TMEM116: variants seen among roughly 807,000 people sequenced by gnomAD.
The protein encoded by TMEM116 is transmembrane protein 116.
Under a neutral mutation model 44.3 loss-of-function variants are expected in TMEM116, and 38 were observed. The ratio of observed to expected loss-of-function variants is 0.86; its 90% CI spans 0.66 to 1.12. The LOEUF (loss-of-function observed/expected upper bound fraction) is 1.12, where lower values mean the gene tolerates loss of function less well. Ranked by LOEUF, TMEM116 falls within the 50% of genes most tolerant of loss-of-function variation. The pLI is 0.00. For synonymous variants in TMEM116, 132 were observed against 144.8 expected (o/e 0.91, Z 0.64); for missense variants, 354 against 401.7 (o/e 0.88, Z 1.01).
intron 4 of TMEM116, among the ~76,000 whole-genome samples, chr12:111,982,164 C>T (rs1009453295): frequency 5.9e-5 from 9 of 151,870 alleles, no homozygotes; most frequent in African/African-American, 1.9e-4. Flanking sequence ...TGAAAATTGC[C>T]AACAGAGTAG....
intron 9 of TMEM116, 140 bp downstream of exon 9, chr12:111,933,745 CT>C: frequency 1.0e-6 from 1 of 969,278 alleles, no homozygotes; most frequent in Non-Finnish European, 1.5e-6. Flanking sequence ...ATCCACCTGC[CT>C]CAGCCTCCCA....
Position 111,943,172 on chromosome 12 carries a change from C to T in TMEM116, c.315+93G>A, listed in dbSNP as rs573477577. On this transcript the variant is annotated intron_variant, in intron 5 of 10. Transcript: ENST00000552374. Reference sequence around the variant, plus strand: ...TTCCTGGGCATAAGCAATCTGCCCCCCTCAGCCTCCCTAACTGCTGGGATT... The same window carrying T: ...TTCCTGGGCATAAGCAATCTGCCCCTCTCAGCCTCCCTAACTGCTGGGATT... The T allele has an allele frequency of 9.1e-6, 9 of 994,130 alleles. No individual in the cohort carries two copies. The Admixed American group carries it at 1.4e-4, about 16-fold the overall frequency. 61.6% of individuals were successfully genotyped at this position (994,130 alleles called of 1,614,324 possible).
chr12:111,972,090 A>AC (rs1444900908), intron 4 of TMEM116, among the ~76,000 whole-genome samples: 2 of 150,742 alleles, frequency 1.3e-5, no homozygotes, highest in East Asian at 3.8e-4. Flanking sequence ...AAAAAAAAAA[A>AC]AAAAAACCCA....
intron 4 of TMEM116, among the ~76,000 whole-genome samples, chr12:111,981,608 G>A (rs543552137): frequency 6.6e-6 from 1 of 152,226 alleles, no homozygotes; most frequent in South Asian, 2.1e-4. Flanking sequence ...AAAGTACTTA[G>A]AGGCAAATAC....
intron 4 of TMEM116, among the ~76,000 whole-genome samples, chr12:111,953,453 A>G (rs1276857155): frequency 6.6e-6 from 1 of 152,212 alleles, no homozygotes; most frequent in Non-Finnish European, 1.5e-5. Flanking sequence ...CACTCGGGTC[A>G]AATCCCTGAC....
At chr12:111,990,115 C>T (rs529445904) in intron 4 of TMEM116, among the ~76,000 whole-genome samples, 7 of 151,858 alleles carry the variant, frequency 4.6e-5, no homozygotes, top group Non-Finnish European at 1.0e-4. Flanking sequence ...ATTAGCCAGG[C>T]GTGGTGGCAG....
chr12:111,946,181 C>T (rs555495808), intron 4 of TMEM116, among the ~76,000 whole-genome samples: 45 of 152,162 alleles, frequency 3.0e-4, no homozygotes, highest in Non-Finnish European at 5.0e-4. Context: ...CATGCTTTTA[C>T]TTTTTCTAAA....
In TMEM116 at chr12:111,959,161, C is replaced by T. The variant is rs2074387312; in HGVS notation, c.211-15792G>A. ...TAACAGTAGATCTCTCTGCAGAAAC[C>T]CTACAAGCTAGAAGAGAGTGGAGGC... On this transcript the variant is annotated intron_variant, in intron 4 of 10. Transcript: ENST00000552374. Among the ~76,000 whole-genome samples the T allele has an allele frequency of 2.0e-5, 3 of 152,244 alleles. No individual in the cohort carries two copies. In the South Asian group the frequency reaches 6.2e-4, roughly 32 times the overall value.
At chr12:112,000,706 T>C in intron 3 of TMEM116, 1 of 527,812 alleles carries the variant, frequency 1.9e-6, no homozygotes, top group East Asian at 5.5e-5. Context: ...TGCTAGCATC[T>C]CTTCTGAGTC....
rs553170697 is a variant in TMEM116 at position 112,003,522 on chromosome 12, C to T, written c.78+278G>A. 7.1e-4 allele frequency: 173 copies of T among 242,796 alleles called. 1 individual carries two copies. The highest frequency in any genetic ancestry group is 1.0e-3 in the Non-Finnish European group (134 of 127,734). The allele number at this position is 242,796 out of a possible 1,614,324, so 15.0% of individuals were successfully genotyped here. A position where few individuals can be genotyped will look rare whatever the true frequency, so the allele number is the denominator to read the frequency against. On this transcript the variant is annotated intron_variant, in intron 3 of 10. Transcript: ENST00000552374. ...GGTGGAGCTTGCAGTGAGCCGAGAT[C>T]GCACCACTGCACTCCAGCCTGGGTG...
At chr12:111,942,336 G>T (rs2072902890) in intron 5 of TMEM116, among the ~76,000 whole-genome samples, 1 of 151,328 alleles carries the variant, frequency 6.6e-6, no homozygotes, top group South Asian at 2.1e-4. Flanking sequence ...AGTGTGGCAT[G>T]ATCTCGGCTC....
intron 4 of TMEM116, among the ~76,000 whole-genome samples, chr12:111,991,058 A>G (rs946114292): frequency 6.6e-6 from 1 of 151,848 alleles, no homozygotes; most frequent in Non-Finnish European, 1.5e-5. Flanking sequence ...ATCTCTACTA[A>G]AAGTACAAAA....
At chr12:111,978,744 A>G in intron 4 of TMEM116, 1 of 444,382 alleles carries the variant, frequency 2.3e-6, no homozygotes, top group Non-Finnish European at 4.5e-6. Context: ...ACCAGACACC[A>G]GATCTGCTGA....
chr12:111,954,198 C>T (rs566890362), intron 4 of TMEM116, among the ~76,000 whole-genome samples: 40 of 152,190 alleles, frequency 2.6e-4, no homozygotes, highest in African/African-American at 9.6e-4. Flanking sequence ...AAAATTTAGG[C>T]CTTAGAGTTA....
intron 4 of TMEM116, among the ~76,000 whole-genome samples, chr12:111,964,835 G>A (rs1397880743): frequency 6.6e-6 from 1 of 151,432 alleles, no homozygotes; most frequent in Non-Finnish European, 1.5e-5. Context: ...CCACAGGTGC[G>A]CACCACCATG....
At chr12:111,942,462 T>G (rs919175234) in intron 5 of TMEM116, among the ~76,000 whole-genome samples, 1 of 152,030 alleles carries the variant, frequency 6.6e-6, no homozygotes, top group Non-Finnish European at 1.5e-5. Flanking sequence ...TTAGTAGAGA[T>G]GGAGTTTCAC....
chr12:111,950,540 T>C (rs1040005174), intron 4 of TMEM116, among the ~76,000 whole-genome samples: 1 of 150,254 alleles, frequency 6.7e-6, no homozygotes. Context: ...CATCTACAAC[T>C]ATCTGATCTT....
intron 4 of TMEM116, among the ~76,000 whole-genome samples, chr12:111,960,591 G>T (rs577744029): frequency 6.1e-5 from 9 of 148,654 alleles, no homozygotes. Flanking sequence ...GGTAAATAAC[G>T]AAATTAAGGA....
At chr12:111,978,990 T>C (rs111436404) in intron 4 of TMEM116, among the ~76,000 whole-genome samples, 10,730 of 152,204 alleles carry the variant, frequency 0.07, 443 homozygotes, top group Middle Eastern at 0.17. Context: ...TAAGACCTTA[T>C]ACCTGTCACA....
Sources: gnomAD v4.1 joint callset for allele counts (sites outside exome capture counted in the v4.1 genomes callset) on GRCh38, gnomAD v4.1.1 for gene constraint, MANE v1.5 for transcripts, NCBI Gene and HGNC (gene_info 2026-07-23, HGNC 2026-07-21) for gene names.